The following KCNH8 variants were observed in gnomAD, a reference collection of about 807,000 sequenced individuals.
KCNH8 encodes the protein voltage-gated delayed rectifier potassium channel KCNH8.
A neutral mutation model predicts 103.6 loss-of-function variants in KCNH8; 70 were observed. That is an observed-to-expected ratio of 0.68 (90% confidence interval 0.56 to 0.82). The LOEUF (loss-of-function observed/expected upper bound fraction) is 0.82, where lower values mean the gene tolerates loss of function less well. Among genes scored for constraint, KCNH8 ranks in the 40% least tolerant of loss-of-function variants. The probability of loss-of-function intolerance (pLI) is 0.00; values close to 1 mark genes in which losing one functional copy is unlikely to be tolerated. For missense variants in KCNH8, 1,217 were observed against 1,329.9 expected (o/e 0.92, Z 1.32); for synonymous variants, 498 against 489.4 (o/e 1.02, Z -0.23).
intron 3 of KCNH8, among the ~76,000 whole-genome samples, chr3:19,314,024 A>G (rs1475013620): frequency 6.6e-6 from 1 of 151,940 alleles, no homozygotes; most frequent in Admixed American, 6.6e-5. Flanking sequence ...CCACCCCTTT[A>G]AACTACCTAC....
chr3:19,435,508 C>G (rs1325999585), intron 7 of KCNH8, among the ~76,000 whole-genome samples: 2 of 152,104 alleles, frequency 1.3e-5, no homozygotes, highest in African/African-American at 2.4e-5. Flanking sequence ...AAATGTTGAC[C>G]ATGTGCTAAC....
chr3:19,222,152 C>T (rs2063882721), intron 1 of KCNH8, among the ~76,000 whole-genome samples: 1 of 152,142 alleles, frequency 6.6e-6, no homozygotes, highest in African/African-American at 2.4e-5. Context: ...CCCGGCCTAG[C>T]ATCCTATATT....
At chr3:19,429,442 G>A (rs555666387) in intron 7 of KCNH8, among the ~76,000 whole-genome samples, 40 of 152,102 alleles carry the variant, frequency 2.6e-4, no homozygotes, top group African/African-American at 9.7e-4. Flanking sequence ...CCAAAGTGCT[G>A]GGATTACAGG....
intron 11 of KCNH8, among the ~76,000 whole-genome samples, chr3:19,502,200 G>C (rs562174084): frequency 1.1e-4 from 17 of 150,980 alleles, no homozygotes; most frequent in Admixed American, 1.1e-3. Context: ...AAATACCTAG[G>C]AATCCAACTT....
intron 7 of KCNH8, among the ~76,000 whole-genome samples, chr3:19,411,803 C>T (rs926699449): frequency 2.0e-5 from 3 of 150,422 alleles, no homozygotes; most frequent in East Asian, 1.9e-4. Flanking sequence ...ACACAGACTA[C>T]GAATACATCA....
chr3:19,435,244 A>C (rs79667204), intron 7 of KCNH8, among the ~76,000 whole-genome samples: 1,875 of 152,312 alleles, frequency 0.012, 44 homozygotes, highest in African/African-American at 0.043. Flanking sequence ...CTGGAGGAAA[A>C]AAATACAACA....
chr3:19,534,969 TG>T lies in KCNH8; in HGVS notation c.*871del, dbSNP rs2069241703. 1 of 152,234 alleles carries T rather than the reference TG, an allele frequency of 6.6e-6. No individual in the cohort carries two copies. Among genetic ancestry groups the T allele is most frequent in the African/African-American group, 2.4e-5 (1 of 41,470 alleles). The allele number at this position is 152,234 out of a possible 1,614,324, so 9.4% of individuals were successfully genotyped here. ...TTGTTAATGAAATAAAAACATGGAC[TG>T]AGTGTCAACTACATGAGCTTTGGCA... On this transcript the variant is annotated 3_prime_UTR_variant, in exon 16 of 16. Transcript: ENST00000328405.
chr3:19,421,290 C>T (rs534719005), intron 7 of KCNH8, among the ~76,000 whole-genome samples: 5 of 152,104 alleles, frequency 3.3e-5, no homozygotes, highest in Non-Finnish European at 7.4e-5. Context: ...GTATGTTTTA[C>T]AAAGTATAAG....
intron 7 of KCNH8, among the ~76,000 whole-genome samples, chr3:19,435,510 T>C (rs1166658167): frequency 6.6e-6 from 1 of 152,208 alleles, no homozygotes; most frequent in African/African-American, 2.4e-5. Flanking sequence ...ATGTTGACCA[T>C]GTGCTAACCT....
At chr3:19,231,395 G>A (rs1177851592) in intron 1 of KCNH8, among the ~76,000 whole-genome samples, 2 of 152,032 alleles carry the variant, frequency 1.3e-5, no homozygotes, top group African/African-American at 4.8e-5. Context: ...GAGTAAATAA[G>A]AAAGATGAGA....
intron 3 of KCNH8, among the ~76,000 whole-genome samples, chr3:19,302,838 TTTAATTA>T (rs1041570134): frequency 6.6e-6 from 1 of 152,180 alleles, no homozygotes; most frequent in Non-Finnish European, 1.5e-5. Flanking sequence ...CACTACTGAG[TTTAATTA>T]AAGAATAGCT....
intron 1 of KCNH8, among the ~76,000 whole-genome samples, chr3:19,179,697 G>A (rs2063432794): frequency 6.6e-6 from 1 of 152,094 alleles, no homozygotes; most frequent in Admixed American, 6.5e-5. Flanking sequence ...TTTAAGTAAA[G>A]TCGTAGGGGA....
intron 3 of KCNH8, among the ~76,000 whole-genome samples, chr3:19,332,349 C>T (rs2065522420): frequency 6.6e-6 from 1 of 152,146 alleles, no homozygotes; most frequent in Non-Finnish European, 1.5e-5. Flanking sequence ...CAATGTGTAA[C>T]CTCTTGAGAT....
Position 19,148,796 on chromosome 3 carries a change from G to T in KCNH8, c.76+1G>T. 1 of 1,613,344 alleles carries T rather than the reference G, an allele frequency of 6.2e-7. No individual in the cohort carries two copies. The highest frequency in any genetic ancestry group is 8.5e-7 in the Non-Finnish European group (1 of 1,179,266). ...ATCGCCACCCGTTTTGACGGAACAC[G>T]TAAGTCTTACACTTGAACGAGTGGT... is the stretch of plus-strand genomic sequence containing the variant. On this transcript the variant is annotated splice_donor_variant, in intron 1 of 15. Coordinates refer to ENST00000328405, the MANE Select transcript of KCNH8 (RefSeq NM_144633.3). LOFTEE classifies it high-confidence loss of function.
At chr3:19,445,045 AT>A (rs1354217560) in intron 8 of KCNH8, among the ~76,000 whole-genome samples, 1 of 151,946 alleles carries the variant, frequency 6.6e-6, no homozygotes, top group Non-Finnish European at 1.5e-5. Context: ...CTATAAAAGC[AT>A]TTTTGTAAGA....
At chr3:19,339,818 G>T (rs768841023) in intron 3 of KCNH8, among the ~76,000 whole-genome samples, 5 of 151,976 alleles carry the variant, frequency 3.3e-5, no homozygotes, top group South Asian at 2.1e-4. Context: ...GGAGGTGGGG[G>T]TAATTAAAGT....
intron 1 of KCNH8, among the ~76,000 whole-genome samples, chr3:19,252,243 CTGAA>C (rs2064288241): frequency 6.6e-6 from 1 of 152,282 alleles, no homozygotes; most frequent in Admixed American, 6.5e-5. Flanking sequence ...GAAACCTTCT[CTGAA>C]TATTGACTGT....
chr3:19,346,494 A>G (rs928943998), intron 4 of KCNH8, among the ~76,000 whole-genome samples: 10 of 152,086 alleles, frequency 6.6e-5, no homozygotes, highest in African/African-American at 1.9e-4. Flanking sequence ...GAGTGAGAAT[A>G]TTAACAGGAA....
intron 15 of KCNH8, among the ~76,000 whole-genome samples, chr3:19,531,909 TAA>T (rs1448969342): frequency 6.6e-6 from 1 of 152,170 alleles, no homozygotes; most frequent in Non-Finnish European, 1.5e-5. Flanking sequence ...GATAGTAAAA[TAA>T]AGTCATAGAA....
Sources: gnomAD v4.1 joint callset for allele counts (sites outside exome capture counted in the v4.1 genomes callset) on GRCh38, gnomAD v4.1.1 for gene constraint, MANE v1.5 for transcripts, NCBI Gene and HGNC (gene_info 2026-07-23, HGNC 2026-07-21) for gene names.